REELD1: variants seen among roughly 807,000 people sequenced by gnomAD.
REELD1 encodes the protein reelin domain-containing protein 1.
REELD1 carries 12 observed loss-of-function variants against 6.3 expected under a neutral mutation model. The ratio of observed to expected loss-of-function variants is 1.89; its 90% CI spans 1.21 to 3.07. The LOEUF is 3.07. Among genes scored for constraint, REELD1 ranks in the 30% most tolerant of loss-of-function variants. The pLI is 0.00. For synonymous variants in REELD1, 57 were observed against 33.6 expected, an observed-to-expected ratio of 1.70 and a Z score of -2.42; for missense variants, 163 against 86.8, an observed-to-expected ratio of 1.88 and a Z score of -3.49.
intron 2 of REELD1, among the ~76,000 whole-genome samples, chr4:146,216,495 C>T (rs1210812877): frequency 6.6e-6 from 1 of 152,164 alleles, no homozygotes; most frequent in Non-Finnish European, 1.5e-5. Flanking sequence ...AGATAAGATG[C>T]TCAGCCAAGC....
At chr4:146,219,827 C>T (rs1730888932) in intron 3 of REELD1, among the ~76,000 whole-genome samples, 1 of 152,104 alleles carries the variant, frequency 6.6e-6, no homozygotes, top group Non-Finnish European at 1.5e-5. Context: ...AGTGAGATCT[C>T]AAATTAATAT....
At chr4:146,219,357 C>T (rs545072886) in intron 3 of REELD1, among the ~76,000 whole-genome samples, 1 of 152,288 alleles carries the variant, frequency 6.6e-6, no homozygotes, top group African/African-American at 2.4e-5. Flanking sequence ...TCAGTTATTA[C>T]TGACTTACGT....
chr4:146,216,012 A>G (rs1402888255), intron 2 of REELD1, among the ~76,000 whole-genome samples: 2 of 152,154 alleles, frequency 1.3e-5, no homozygotes, highest in Admixed American at 6.5e-5. Flanking sequence ...CGGCCTCCCA[A>G]AGTGCTAGGA....
rs552347322 is a variant in REELD1 at position 146,215,508 on chromosome 4, T to C, written c.-12+310T>C. On this transcript the variant is annotated intron_variant, in intron 2 of 7. Transcript: ENST00000623665. Reference sequence around the variant, plus strand: ...CTTGTGAATGTAAAAGGTGGTGTTGTGTGAAGAGACAATGGGAGTGGAGGA... The same window carrying C: ...CTTGTGAATGTAAAAGGTGGTGTTGCGTGAAGAGACAATGGGAGTGGAGGA... Among the ~76,000 whole-genome samples the C allele has an allele frequency of 2.2e-4, 34 of 152,320 alleles. 1 individual carries two copies. The South Asian group carries it at 6.6e-3, about 30-fold the overall frequency.
chr4:146,220,136 G>A (rs569681352), intron 3 of REELD1, among the ~76,000 whole-genome samples: 1 of 152,228 alleles, frequency 6.6e-6, no homozygotes, highest in Non-Finnish European at 1.5e-5. Flanking sequence ...TTTTAGTACA[G>A]ATGGGGTTTC....
At chr4:146,218,963 A>G (rs1418096315) in intron 3 of REELD1, among the ~76,000 whole-genome samples, 1 of 152,036 alleles carries the variant, frequency 6.6e-6, no homozygotes, top group East Asian at 1.9e-4. Context: ...AGACTGGGCA[A>G]CATGGCAAAA....
chr4:146,222,854 C>T (rs954384208), intron 4 of REELD1, among the ~76,000 whole-genome samples: 4 of 152,170 alleles, frequency 2.6e-5, no homozygotes, highest in Non-Finnish European at 5.9e-5. Flanking sequence ...TGGCCAACCT[C>T]TCTAGGAGTT....
chr4:146,220,459 G>A (rs917852017), intron 3 of REELD1, among the ~76,000 whole-genome samples: 1 of 152,012 alleles, frequency 6.6e-6, no homozygotes, highest in Non-Finnish European at 1.5e-5. Context: ...GAAACTTAAT[G>A]AATAAAGACA....
In REELD1 at chr4:146,228,369, A is replaced by G; in HGVS notation, c.755A>G (p.His252Arg). 1.4e-6 allele frequency: 1 copy of G among 702,524 alleles called. No homozygotes were observed. Among genetic ancestry groups the G allele is most frequent in the Non-Finnish European group, 2.6e-6 (1 of 384,994 alleles). 43.5% of individuals were successfully genotyped at this position (702,524 alleles called of 1,614,324 possible). Residue 252 changes from histidine (H) to arginine (R), a missense_variant, in exon 6 of 8, where the codon CAC (histidine) becomes CGC (arginine). Physicochemically the swap from His to Arg is conservative, Grantham distance 29 (BLOSUM62 0). Coordinates refer to ENST00000623665, the MANE Select transcript of REELD1 (RefSeq NM_001354631.1). ...DAETLSQPSS[H>R]TATEGSINQQ... The stretch of plus-strand genomic sequence containing the variant: ...GAGACTCTGTCCCAACCATCTTCAC[A>G]CACAGCCACTGAAGGCAGCATCAAC...
Position 146,228,498 on chromosome 4 carries a change from C to T in REELD1, c.884C>T (p.Ala295Val), listed in dbSNP as rs929031547. ...AAGAGAGTCTCCTCAGAGAGCTTTGCTTCCAGCCTTAGCACCCATCACAGG... is the reference window on the plus strand; with the variant it reads ...AAGAGAGTCTCCTCAGAGAGCTTTGTTTCCAGCCTTAGCACCCATCACAGG... ...ALKRVSSESF[A>V]SSLSTHHRTQ... The change falls in exon 6 of 8, where the codon GCT becomes GTT. Residue 295 changes from alanine to valine, a missense_variant. Coordinates refer to ENST00000623665, the MANE Select transcript of REELD1 (RefSeq NM_001354631.1). 1.4e-6 allele frequency: 1 copy of T among 702,294 alleles called. No individual in the cohort carries two copies. The highest frequency in any genetic ancestry group is 2.7e-5 in the East Asian group (1 of 37,286). The allele number at this position is 702,294 out of a possible 1,614,324, so 43.5% of individuals were successfully genotyped here.
chr4:146,228,171 C>A (rs560685496), intron 5 of REELD1, 39 bp from the exon 6 acceptor site: 34 of 679,610 alleles, frequency 5.0e-5, no homozygotes, highest in Non-Finnish European at 8.9e-5. Flanking sequence ...GGGGAAAATG[C>A]TCTCACTCAC....
Position 146,222,420 on chromosome 4 carries a change from A to C in REELD1, c.272A>C (p.His91Pro), listed in dbSNP as rs1864372. The C allele has an allele frequency of 2.5e-6, 1 of 398,438 alleles. No individual in the cohort carries two copies. The highest frequency in any genetic ancestry group is 4.4e-5 in the Admixed American group (1 of 22,720). 24.7% of individuals were successfully genotyped at this position (398,438 alleles called of 1,614,324 possible). A position where few individuals can be genotyped will look rare whatever the true frequency, so the allele number is the denominator to read the frequency against. The change falls in exon 4 of 8, where the codon CAT becomes CCT. Residue 91 changes from histidine to proline, a missense_variant. By Grantham distance (77) the His-to-Pro change is moderately conservative. Transcript: ENST00000623665. ...FLLQARRVSD[H>P]QIAGTFVLIP... ...CTTCAGGCTCGAAGAGTGTCCGATC[A>C]TCAAATCGCTGGCACTTTCGTTCTC... is the stretch of plus-strand genomic sequence containing the variant.
rs974190285 is a variant in REELD1, at chr4:146,230,208, A to G, written c.1276A>G (p.Ile426Val). 1.0e-5 allele frequency: 4 copies of G among 398,670 alleles called. No individual in the cohort carries two copies. Among genetic ancestry groups the G allele is most frequent in the African/African-American group, 8.2e-5 (4 of 48,636 alleles). 24.7% of individuals were successfully genotyped at this position (398,670 alleles called of 1,614,324 possible). Residue 426 changes from isoleucine to valine, a missense_variant, in exon 8 of 8, where the codon ATT (isoleucine) becomes GTT (valine). Coordinates refer to ENST00000623665, the MANE Select transcript of REELD1 (RefSeq NM_001354631.1). ...YPRQTNPRPD[I>V]GLEGAQAPLG... Reference sequence around the variant, plus strand: ...TCGGCAGACCAACCCACGGCCTGACATTGGGCTAGAGGGAGCCCAGGCCCC... The same window carrying G: ...TCGGCAGACCAACCCACGGCCTGACGTTGGGCTAGAGGGAGCCCAGGCCCC...
chr4:146,222,950 C>T (rs73855513), intron 4 of REELD1, among the ~76,000 whole-genome samples: 11,284 of 152,086 alleles, frequency 0.074, 779 homozygotes, highest in African/African-American at 0.18. Context: ...CAAATGGACA[C>T]GTCCCTGGGC....
rs565600430 is a variant in REELD1 at position 146,232,144 on chromosome 4, T to A, written c.*1631T>A. The A allele has an allele frequency of 3.3e-5, 5 of 152,352 alleles. No homozygotes were observed. In the East Asian group the frequency reaches 9.6e-4, roughly 29 times the overall value. 9.4% of individuals were successfully genotyped at this position (152,352 alleles called of 1,614,324 possible). ...AGCCAGATGCACCATGTATGCAAAC[T>A]TTTTTAGATCTTTTCTGTCTAAGAG... On this transcript the variant is annotated 3_prime_UTR_variant, in exon 8 of 8. Transcript: ENST00000623665.
Position 146,222,566 on chromosome 4 carries a change from G to GA in REELD1, c.419dup (p.Asp140GlufsTer3), listed in dbSNP as rs1325650263. ...GAAGGCCCCAGCCCAGCCTGTGGGGGACATTAAGTTCCTGTAAGAGAGTGA... is the reference window on the plus strand; with the variant it reads ...GAAGGCCCCAGCCCAGCCTGTGGGGGAACATTAAGTTCCTGTAAGAGAGTGA... On this transcript the variant is annotated frameshift_variant, in exon 4 of 8. Transcript: ENST00000623665. LOFTEE classifies it high-confidence loss of function. The GA allele has an allele frequency of 2.5e-6, 1 of 398,496 alleles. No individual in the cohort carries two copies. The highest frequency in any genetic ancestry group is 4.4e-6 in the Non-Finnish European group (1 of 226,092). 24.7% of individuals were successfully genotyped at this position (398,496 alleles called of 1,614,324 possible).
rs1731079750 is a variant in REELD1, at chr4:146,229,063, G to A, written c.947G>A (p.Cys316Tyr). 1.4e-6 allele frequency: 1 copy of A among 702,314 alleles called. No homozygotes were observed. Among genetic ancestry groups the A allele is most frequent in the Non-Finnish European group, 2.6e-6 (1 of 384,878 alleles). 43.5% of individuals were successfully genotyped at this position (702,314 alleles called of 1,614,324 possible). The change falls in exon 7 of 8, where the codon TGC (cysteine) becomes TAC (tyrosine). Residue 316 changes from cysteine to tyrosine, a missense_variant. Cys to Tyr is a radical substitution (Grantham distance 194, BLOSUM62 -2). Transcript: ENST00000623665. ...DDPSFDSLET[C>Y]LSSDGGEQDK... ...CCCAGCTTTGATTCACTGGAAACTTGCCTGTCCTCAGATGGGGGTGAACAG... is the reference window on the plus strand; with the variant it reads ...CCCAGCTTTGATTCACTGGAAACTTACCTGTCCTCAGATGGGGGTGAACAG...
rs1453204348 is a variant in REELD1, at chr4:146,222,433, C to A, written c.285C>A (p.Gly95=). 1 of 398,492 alleles carries A rather than the reference C, an allele frequency of 2.5e-6. No homozygotes were observed. The highest frequency in any genetic ancestry group is 3.6e-5 in the East Asian group (1 of 28,088). The allele number at this position is 398,492 out of a possible 1,614,324, so 24.7% of individuals were successfully genotyped here. Residue 95 remains glycine (G), a synonymous_variant, in exon 4 of 8, where the codon GGC becomes GGA. Transcript: ENST00000623665. ...GAGTGTCCGATCATCAAATCGCTGGCACTTTCGTTCTCATTCCTCCTCATT... is the reference window on the plus strand; with the variant it reads ...GAGTGTCCGATCATCAAATCGCTGGAACTTTCGTTCTCATTCCTCCTCATT... ...ARRVSDHQIA[G]TFVLIPPHSK...
At chr4:146,228,981 A>G (rs1407793278) in intron 6 of REELD1, 44 bp from the exon 7 acceptor site, 1 of 701,682 alleles carries the variant, frequency 1.4e-6, no homozygotes, top group South Asian at 1.5e-5. Flanking sequence ...TTTTTGGTCC[A>G]AAACTTAATG....
Sources: allele counts gnomAD v4.1 joint callset (sites outside exome capture counted in the v4.1 genomes callset), GRCh38; gene constraint gnomAD v4.1.1; transcripts MANE v1.5; gene names NCBI Gene and HGNC (gene_info 2026-07-23, HGNC 2026-07-21).